Variants in MYH15 observed in about 807,000 individuals in gnomAD.
The protein encoded by MYH15 is myosin-15.
MYH15 carries 227 observed loss-of-function variants against 240.5 expected under a neutral mutation model. The observed-to-expected ratio is 0.94, with a 90% CI of 0.85 to 1.05. MYH15 has a LOEUF of 1.05. Among genes scored for constraint, MYH15 ranks in the 50% least tolerant of loss-of-function variants. The pLI is 0.00. For synonymous variants in MYH15, 785 were observed against 796.7 expected, an observed-to-expected ratio of 0.99 and a Z score of 0.25; for missense variants, 2,217 against 2,247.5, an observed-to-expected ratio of 0.99 and a Z score of 0.27.
At chr3:108,456,667 G>C (rs2083022481) in intron 19 of MYH15, 99 bp downstream of exon 19, 4 of 801,944 alleles carry the variant, frequency 5.0e-6, no homozygotes, top group Non-Finnish European at 6.4e-6. Context: ...TAGTCTGGAG[G>C]ACATCAACCA....
At chr3:108,474,103 G>A (rs996512625) in intron 12 of MYH15, among the ~76,000 whole-genome samples, 6 of 152,050 alleles carry the variant, frequency 3.9e-5, no homozygotes, top group African/African-American at 1.4e-4. Flanking sequence ...ACTAAATTTT[G>A]TATAGAATGT....
At chr3:108,382,585 T>C (rs527505824) in intron 40 of MYH15, among the ~76,000 whole-genome samples, 1 of 152,254 alleles carries the variant, frequency 6.6e-6, no homozygotes, top group South Asian at 2.1e-4. Context: ...GTGAACTCTT[T>C]CCATAGTAGA....
intron 12 of MYH15, among the ~76,000 whole-genome samples, chr3:108,475,759 A>T (rs1032398140): frequency 1.4e-4 from 22 of 152,156 alleles, no homozygotes; most frequent in African/African-American, 5.3e-4. Context: ...TACAGATATA[A>T]ATTATTATTT....
At chr3:108,497,466 C>A (rs1467445929) in intron 6 of MYH15, among the ~76,000 whole-genome samples, 1 of 151,952 alleles carries the variant, frequency 6.6e-6, no homozygotes, top group Non-Finnish European at 1.5e-5. Context: ...TCTTAGTTAT[C>A]CTCAAGTTAT....
upstream of MYH15, among the ~76,000 whole-genome samples, chr3:108,513,000 T>G (rs987181912): frequency 1.1e-4 from 17 of 152,166 alleles, no homozygotes; most frequent in Non-Finnish European, 2.4e-4. Context: ...AACCCCCTAA[T>G]GTCCTACTGA....
chr3:108,437,414 A>C, intron 25 of MYH15, 140 bp downstream of exon 25: 1 of 1,115,480 alleles, frequency 9.0e-7, no homozygotes, highest in Non-Finnish European at 1.3e-6. Context: ...AGAAAAAAAA[A>C]ATTGTTTCCT....
intron 38 of MYH15, among the ~76,000 whole-genome samples, chr3:108,386,223 G>A (rs1165690338): frequency 6.6e-6 from 1 of 152,152 alleles, no homozygotes; most frequent in Non-Finnish European, 1.5e-5. Context: ...GAAGAAAACT[G>A]AAAAAAGCTA....
intron 33 of MYH15, among the ~76,000 whole-genome samples, chr3:108,399,738 AG>A (rs2082490001): frequency 6.6e-6 from 1 of 152,232 alleles, no homozygotes; most frequent in South Asian, 2.1e-4. Flanking sequence ...CTTGAGATGC[AG>A]CAATACTGCT....
intron 33 of MYH15, among the ~76,000 whole-genome samples, chr3:108,400,129 C>T (rs2082493002): frequency 1.3e-5 from 2 of 152,186 alleles, no homozygotes; most frequent in South Asian, 4.2e-4. Context: ...TGCACTCTCC[C>T]TTCCCCCTTT....
At chr3:108,397,469 CTATATCAT>C (rs2082470525) in intron 35 of MYH15, among the ~76,000 whole-genome samples, 1 of 152,148 alleles carries the variant, frequency 6.6e-6, no homozygotes, top group Admixed American at 6.5e-5. Flanking sequence ...GGTGTGCTTG[CTATATCAT>C]TATACTTTTA....
At chr3:108,504,175 T>C (rs962610141) in intron 2 of MYH15, among the ~76,000 whole-genome samples, 1 of 152,208 alleles carries the variant, frequency 6.6e-6, no homozygotes, top group Non-Finnish European at 1.5e-5. Flanking sequence ...TGACTGCTAA[T>C]GGGCACAAGA....
intron 7 of MYH15, among the ~76,000 whole-genome samples, chr3:108,494,899 C>T (rs1020352311): frequency 5.9e-5 from 9 of 152,020 alleles, no homozygotes; most frequent in Admixed American, 2.0e-4. Context: ...TTATTGCTCC[C>T]CTTTGCCTCC....
intron 15 of MYH15, 22 bp downstream of exon 15, chr3:108,464,616 C>CGG: frequency 6.4e-7 from 1 of 1,574,124 alleles, no homozygotes; most frequent in Non-Finnish European, 8.6e-7. Flanking sequence ...AATTCAAGAC[C>CGG]GGGGGTCCAG....
At chr3:108,462,447 TCCTG>T (rs1343498898) in intron 16 of MYH15, among the ~76,000 whole-genome samples, 2 of 152,016 alleles carry the variant, frequency 1.3e-5, no homozygotes, top group Non-Finnish European at 2.9e-5. Context: ...CTATATTTGT[TCCTG>T]TGAGAAGTTA....
intron 25 of MYH15, among the ~76,000 whole-genome samples, chr3:108,434,914 T>C (rs1560360385): frequency 1.3e-5 from 2 of 152,228 alleles, no homozygotes; most frequent in Non-Finnish European, 2.9e-5. Flanking sequence ...TCTTAGAAAA[T>C]AGATTACTAT....
Position 108,405,348 on chromosome 3 carries a change from C to A in MYH15, c.4726G>T (p.Glu1576Ter). ...AATCATCTTAAATACCTAAAATTTT[C>A]TATTTCTTCATCTTTCTCTGAAAGC... ...RKLSEKDEEI[E>*]NFRRKQQCTI... Residue 1576 changes from glutamate (E) to a stop codon, truncating the protein, a stop_gained, in exon 33 of 41, where the codon GAA becomes TAA. Coordinates refer to ENST00000693548, the MANE Select transcript of MYH15 (RefSeq NM_014981.3). LOFTEE classifies it high-confidence loss of function. 6.7e-7 allele frequency: 1 copy of A among 1,493,540 alleles called. No individual in the cohort carries two copies. The highest frequency in any genetic ancestry group is 9.1e-7 in the Non-Finnish European group (1 of 1,103,202). 92.5% of individuals were successfully genotyped at this position (1,493,540 alleles called of 1,614,324 possible).
chr3:108,447,900 TATA>T (rs796280934), intron 21 of MYH15, among the ~76,000 whole-genome samples: 9 of 152,274 alleles, frequency 5.9e-5, no homozygotes, highest in African/African-American at 2.2e-4. Flanking sequence ...AAACTATAGC[TATA>T]ATAACTGATT....
At chr3:108,517,961 C>T (rs2083587465) in intron 1 of MYH15, among the ~76,000 whole-genome samples, 1 of 152,140 alleles carries the variant, frequency 6.6e-6, no homozygotes, top group Admixed American at 6.5e-5. Flanking sequence ...CCATACAGGT[C>T]AAGGAGGCAT....
At chr3:108,435,312 G>A (rs2082821860) in intron 25 of MYH15, among the ~76,000 whole-genome samples, 2 of 151,700 alleles carry the variant, frequency 1.3e-5, no homozygotes, top group South Asian at 4.2e-4. Context: ...TAAAAATTGT[G>A]GTAAGAACAC....
Sources: allele counts gnomAD v4.1 joint callset (sites outside exome capture counted in the v4.1 genomes callset), GRCh38; gene constraint gnomAD v4.1.1; transcripts MANE v1.5; gene names NCBI Gene and HGNC (gene_info 2026-07-23, HGNC 2026-07-21).